The following ILDR1 variants were observed in gnomAD, a reference collection of about 807,000 sequenced individuals.
ILDR1 encodes the protein immunoglobulin-like domain-containing receptor 1.
Under a neutral mutation model 62.4 loss-of-function variants are expected in ILDR1, and 56 were observed. The ratio of observed to expected loss-of-function variants is 0.90; its 90% confidence interval spans 0.72 to 1.12. ILDR1 has a LOEUF of 1.12. Ranked by LOEUF, ILDR1 falls within the 50% of genes most tolerant of loss-of-function variation. ILDR1 has a pLI of 0.00. For missense variants in ILDR1, 736 were observed against 710.6 expected (o/e 1.04, Z -0.41); for synonymous variants, 284 against 277.8 (o/e 1.02, Z -0.22).
At chr3:122,060,295 G>T in the ILDR1 span, among the ~76,000 whole-genome samples, 2 of 152,178 alleles carry the variant, frequency 1.3e-5, no homozygotes, top group Non-Finnish European at 2.9e-5. Flanking sequence ...CTTGACCTTT[G>T]CAGAACACTC....
chr3:122,056,312 G>A, the ILDR1 span, among the ~76,000 whole-genome samples: 51 of 152,172 alleles, frequency 3.4e-4, no homozygotes, highest in African/African-American at 1.1e-3. Flanking sequence ...GGCAGCTGGC[G>A]CCAGTCACTA....
chr3:121,988,481 G>A, intron 7 of ILDR1, 73 bp from the exon 8 acceptor site: 1 of 1,231,130 alleles, frequency 8.1e-7, no homozygotes, highest in Non-Finnish European at 1.2e-6. Flanking sequence ...AACACATAAT[G>A]TGCTCTTGAT....
In ILDR1 at chr3:121,988,248, T is replaced by G. The variant is rs754067165; in HGVS notation, c.*119A>C. Reference sequence around the variant, plus strand: ...AAATTCTTCTATTTGATTCTCAGAATCTAAGCCAAAAACTGTTAGACTCAG... The same window carrying G: ...AAATTCTTCTATTTGATTCTCAGAAGCTAAGCCAAAAACTGTTAGACTCAG... On this transcript the variant is annotated 3_prime_UTR_variant, in exon 8 of 8. Transcript: ENST00000344209. 1.2e-6 allele frequency: 1 copy of G among 843,842 alleles called. No homozygotes were observed. Among genetic ancestry groups the G allele is most frequent in the South Asian group, 1.4e-5 (1 of 72,986 alleles). 52.3% of individuals were successfully genotyped at this position (843,842 alleles called of 1,614,324 possible).
chr3:122,010,891 T>C (rs1356961996), intron 1 of ILDR1, among the ~76,000 whole-genome samples: 1 of 152,220 alleles, frequency 6.6e-6, no homozygotes, highest in African/African-American at 2.4e-5. Flanking sequence ...GGGAGAAGAT[T>C]AGCTGTGCTC....
chr3:122,017,230 G>A (rs2071789031), intron 1 of ILDR1, among the ~76,000 whole-genome samples: 1 of 152,046 alleles, frequency 6.6e-6, no homozygotes, highest in African/African-American at 2.4e-5. Flanking sequence ...TGTATTTTTT[G>A]TAGAGAAGGG....
the ILDR1 span, among the ~76,000 whole-genome samples, chr3:122,039,921 A>T: frequency 6.6e-6 from 1 of 152,040 alleles, no homozygotes; most frequent in African/African-American, 2.4e-5. Context: ...ACTACTTTTT[A>T]AAATACCATA....
chr3:122,055,312 G>C, the ILDR1 span: 7 of 602,718 alleles, frequency 1.2e-5, no homozygotes, highest in South Asian at 1.6e-4. Context: ...AAAATCTGTA[G>C]AGAAAAGAGG....
At chr3:122,060,826 C>T in the ILDR1 span, among the ~76,000 whole-genome samples, 2 of 152,076 alleles carry the variant, frequency 1.3e-5, no homozygotes, top group East Asian at 1.9e-4. Context: ...AGATTTGAGG[C>T]TTCGCAGAGG....
chr3:122,034,491 A>G, the ILDR1 span, among the ~76,000 whole-genome samples: 1 of 152,228 alleles, frequency 6.6e-6, no homozygotes, highest in Non-Finnish European at 1.5e-5. Context: ...AGACCAGAGC[A>G]TTTTATTACC....
At chr3:122,059,926 G>T in the ILDR1 span, among the ~76,000 whole-genome samples, 1 of 152,222 alleles carries the variant, frequency 6.6e-6, no homozygotes, top group South Asian at 2.1e-4. Flanking sequence ...AGAGAGAAAG[G>T]CTCGCAACAG....
chr3:122,014,609 A>T (rs947218544), intron 1 of ILDR1, among the ~76,000 whole-genome samples: 1 of 152,222 alleles, frequency 6.6e-6, no homozygotes, highest in African/African-American at 2.4e-5. Context: ...GCGTTCTTTT[A>T]TTCCAGTAGA....
the ILDR1 span, among the ~76,000 whole-genome samples, chr3:122,034,637 T>TTTG: frequency 1.3e-5 from 2 of 152,052 alleles, no homozygotes; most frequent in African/African-American, 2.4e-5. Context: ...TCGCAGGTTT[T>TTTG]TTGTTGTTGT....
At chr3:122,048,736 A>G in the ILDR1 span, among the ~76,000 whole-genome samples, 1 of 152,140 alleles carries the variant, frequency 6.6e-6, no homozygotes, top group Non-Finnish European at 1.5e-5. Flanking sequence ...GTCTCTTACA[A>G]TATTTTTTTA....
chr3:122,008,265 C>A (rs1210982103), intron 1 of ILDR1, among the ~76,000 whole-genome samples: 1 of 152,230 alleles, frequency 6.6e-6, no homozygotes, highest in Non-Finnish European at 1.5e-5. Flanking sequence ...AACCTACAGG[C>A]ATACTTAAAG....
intron 1 of ILDR1, among the ~76,000 whole-genome samples, chr3:122,016,466 A>C (rs2071778533): frequency 6.6e-6 from 1 of 152,276 alleles, no homozygotes; most frequent in Admixed American, 6.5e-5. Context: ...AAGATAGACT[A>C]AATTGCTTGG....
At chr3:122,003,871 G>T (rs955348407) in intron 3 of ILDR1, among the ~76,000 whole-genome samples, 2 of 152,072 alleles carry the variant, frequency 1.3e-5, no homozygotes, top group Admixed American at 6.5e-5. Flanking sequence ...AATTAAAGAG[G>T]CTTGAAACTT....
upstream of ILDR1, chr3:122,025,399 A>G (rs888527001): frequency 6.6e-6 from 1 of 152,198 alleles, no homozygotes; most frequent in Non-Finnish European, 1.5e-5. Flanking sequence ...CATTTTACAG[A>G]TGAGGTGCAA....
At chr3:122,004,987 T>A (rs1443008935) in intron 3 of ILDR1, among the ~76,000 whole-genome samples, 1 of 152,158 alleles carries the variant, frequency 6.6e-6, no homozygotes, top group Non-Finnish European at 1.5e-5. Context: ...AAGGGAACCA[T>A]TCACCCCTAG....
the ILDR1 span, among the ~76,000 whole-genome samples, chr3:122,052,229 G>C: frequency 6.6e-6 from 1 of 152,110 alleles, no homozygotes; most frequent in Non-Finnish European, 1.5e-5. Context: ...TTAGCTCTTT[G>C]GTTTCTTTTC....
Sources: allele counts gnomAD v4.1 joint callset (sites outside exome capture counted in the v4.1 genomes callset), GRCh38; gene constraint gnomAD v4.1.1; transcripts MANE v1.5; gene names NCBI Gene and HGNC (gene_info 2026-07-23, HGNC 2026-07-21).